Variants in NALF1 observed in about 807,000 individuals in gnomAD.
The protein encoded by NALF1 is family with sequence similarity 155 member A.
NALF1 carries 3 observed loss-of-function variants against 48.4 expected under a neutral mutation model. The ratio of observed to expected loss-of-function variants is 0.06; its 90% CI spans 0.03 to 0.16. The LOEUF (loss-of-function observed/expected upper bound fraction) is 0.16, where lower values mean the gene tolerates loss of function less well. NALF1 is among the 10% of genes least tolerant of loss of function. NALF1 has a pLI of 1.00. For missense variants in NALF1, 526 were observed against 571.5 expected, an observed-to-expected ratio of 0.92 and a Z score of 0.81; for synonymous variants, 262 against 245.7, an observed-to-expected ratio of 1.07 and a Z score of -0.62.
intron 1 of NALF1, among the ~76,000 whole-genome samples, chr13:107,674,370 T>C (rs893187297): frequency 6.6e-6 from 1 of 152,204 alleles, no homozygotes; most frequent in Non-Finnish European, 1.5e-5. Context: ...TTCCATTTCA[T>C]CCTGAGTGCA....
intron 1 of NALF1, among the ~76,000 whole-genome samples, chr13:107,817,760 T>C (rs1159409319): frequency 6.6e-6 from 1 of 152,160 alleles, no homozygotes; most frequent in Non-Finnish European, 1.5e-5. Flanking sequence ...ACGCTGCACT[T>C]CCCCACATCA....
intron 1 of NALF1, among the ~76,000 whole-genome samples, chr13:107,592,833 A>G (rs1277349182): frequency 2.0e-5 from 3 of 151,888 alleles, no homozygotes; most frequent in Non-Finnish European, 4.4e-5. Context: ...AAAGATACAT[A>G]AAAATGAAAT....
chr13:107,408,588 C>A (rs1374072265), intron 1 of NALF1, among the ~76,000 whole-genome samples: 2 of 152,076 alleles, frequency 1.3e-5, no homozygotes, highest in Non-Finnish European at 2.9e-5. Flanking sequence ...TGTATGGACA[C>A]AATGGGTAAC....
intron 1 of NALF1, among the ~76,000 whole-genome samples, chr13:107,286,013 C>G (rs1881486157): frequency 6.6e-6 from 1 of 151,876 alleles, no homozygotes; most frequent in South Asian, 2.1e-4. Flanking sequence ...TGGACAAAAA[C>G]TTCCCAAATT....
chr13:107,229,001 C>T (rs368166304), intron 1 of NALF1, among the ~76,000 whole-genome samples: 110 of 152,090 alleles, frequency 7.2e-4, no homozygotes, highest in African/African-American at 2.6e-3. Context: ...TGGTTCTCTT[C>T]GTAAAACCGA....
chr13:107,604,038 A>G (rs534033933), intron 1 of NALF1, among the ~76,000 whole-genome samples: 1 of 152,292 alleles, frequency 6.6e-6, no homozygotes, highest in Non-Finnish European at 1.5e-5. Flanking sequence ...TGGTTCTCTA[A>G]CCATATTCAA....
At chr13:107,347,302 G>A (rs999306453) in intron 1 of NALF1, among the ~76,000 whole-genome samples, 1 of 152,136 alleles carries the variant, frequency 6.6e-6, no homozygotes, top group Admixed American at 6.5e-5. Flanking sequence ...ACTTGCCTAG[G>A]ACACCACCAA....
At chr13:107,584,581 A>G (rs1443651782) in intron 1 of NALF1, among the ~76,000 whole-genome samples, 2 of 152,208 alleles carry the variant, frequency 1.3e-5, no homozygotes, top group Non-Finnish European at 2.9e-5. Context: ...CAAGTATCAG[A>G]TTATTCTCAT....
chr13:107,580,994 G>C (rs1306250546), intron 1 of NALF1, among the ~76,000 whole-genome samples: 1 of 152,156 alleles, frequency 6.6e-6, no homozygotes, highest in Non-Finnish European at 1.5e-5. Flanking sequence ...TTGGAGACCA[G>C]AGAAAAATAG....
intron 1 of NALF1, among the ~76,000 whole-genome samples, chr13:107,396,698 C>G (rs1399427263): frequency 1.3e-5 from 2 of 152,156 alleles, no homozygotes; most frequent in Non-Finnish European, 2.9e-5. Context: ...AACTGTAGGG[C>G]TGTAGTGCTA....
chr13:107,551,965 G>C (rs1215862272), intron 1 of NALF1, among the ~76,000 whole-genome samples: 1 of 152,032 alleles, frequency 6.6e-6, no homozygotes, highest in Non-Finnish European at 1.5e-5. Context: ...TAAGAAAATA[G>C]CCTCTAATTA....
chr13:107,685,789 G>A (rs1168356232), intron 1 of NALF1, among the ~76,000 whole-genome samples: 1 of 152,230 alleles, frequency 6.6e-6, no homozygotes, highest in African/African-American at 2.4e-5. Flanking sequence ...AATGCAAAGT[G>A]CAGAAATGCA....
At chr13:107,803,936 G>A (rs533724525) in intron 1 of NALF1, among the ~76,000 whole-genome samples, 4 of 152,052 alleles carry the variant, frequency 2.6e-5, no homozygotes, top group Admixed American at 6.6e-5. Flanking sequence ...CTATTATTTC[G>A]GCCCAATCTC....
At chr13:107,207,732 T>C (rs1879673201) in intron 2 of NALF1, among the ~76,000 whole-genome samples, 1 of 152,218 alleles carries the variant, frequency 6.6e-6, no homozygotes, top group Non-Finnish European at 1.5e-5. Context: ...CACTGCAATC[T>C]CCAGCACCTG....
At chr13:107,360,941 C>T (rs1883050388) in intron 1 of NALF1, among the ~76,000 whole-genome samples, 1 of 152,084 alleles carries the variant, frequency 6.6e-6, no homozygotes, top group African/African-American at 2.4e-5. Context: ...TTCCTACAAT[C>T]TTAATTCACT....
intron 1 of NALF1, chr13:107,466,759 A>T (rs1463788307): frequency 6.6e-6 from 1 of 152,256 alleles, no homozygotes; most frequent in Non-Finnish European, 1.5e-5. Flanking sequence ...AATTAGGCTA[A>T]TCTGGAAAGG....
rs571091877 is a variant in NALF1, at chr13:107,348,436, A to T, written c.916-137681T>A. Among the ~76,000 whole-genome samples, 559 of 152,144 alleles carry T rather than the reference A, an allele frequency of 3.7e-3. 11 individuals are homozygous for T. Among genetic ancestry groups the T allele is most frequent in the African/African-American group, 0.012 (490 of 41,502 alleles). ...ATAATGAAAATCTTAATTTTTTTTT[A>T]AAATTTTACTTTAACTTCTGGGATA... On this transcript the variant is annotated intron_variant, in intron 1 of 2. Coordinates refer to ENST00000375915, the MANE Select transcript of NALF1 (RefSeq NM_001080396.3).
intron 1 of NALF1, among the ~76,000 whole-genome samples, chr13:107,272,365 C>T (rs1379023179): frequency 1.6e-5 from 1 of 61,452 alleles, no homozygotes; most frequent in African/African-American, 4.5e-5. Flanking sequence ...CAGGCGCCCG[C>T]CACCACGCCC....
At chr13:107,228,691 C>T (rs574755838) in intron 1 of NALF1, among the ~76,000 whole-genome samples, 2 of 152,300 alleles carry the variant, frequency 1.3e-5, no homozygotes, top group East Asian at 3.9e-4. Flanking sequence ...CCGATCTCTG[C>T]TCACTGCAAC....
Sources: gnomAD v4.1 joint callset for allele counts (sites outside exome capture counted in the v4.1 genomes callset) on GRCh38, gnomAD v4.1.1 for gene constraint, MANE v1.5 for transcripts, NCBI Gene and HGNC (gene_info 2026-07-23, HGNC 2026-07-21) for gene names.